The following SON variants were observed in gnomAD, a reference collection of about 807,000 sequenced individuals.
The protein encoded by SON is SON DNA and RNA binding protein, also known as protein SON.
SON carries 4 observed loss-of-function variants against 173.3 expected under a neutral mutation model. The observed-to-expected ratio is 0.02, with a 90% CI of 0.01 to 0.05. SON has a LOEUF of 0.05. SON is among the 10% of genes least tolerant of loss of function. SON has a pLI of 1.00. For synonymous variants in SON, 1,190 were observed against 1,105.9 expected (o/e 1.08, Z -1.51); for missense variants, 2,626 against 3,055.3 (o/e 0.86, Z 3.31).
chr21:33,560,546 T>C, intron 6 of SON: 1 of 988,964 alleles, frequency 1.0e-6, no homozygotes, highest in Non-Finnish European at 1.2e-6. Context: ...CTAAATATAG[T>C]GCACATGAAA....
chr21:33,543,539 C>T (rs1371589556), intron 1 of SON: 7 of 122,730 alleles, frequency 5.7e-5, no homozygotes, highest in African/African-American at 3.2e-4. Context: ...ATCCCCTCCC[C>T]CTCTCGCCTC....
intron 2 of SON, 64 bp downstream of exon 2, chr21:33,546,443 TTAA>T (rs2085619033): frequency 1.5e-6 from 2 of 1,331,438 alleles, no homozygotes; most frequent in Admixed American, 2.2e-5. Flanking sequence ...AATTTGAAGG[TTAA>T]TGTTAGTTTT....
rs1436802050 is a variant in SON, at chr21:33,550,929, G to A, written c.1698G>A (p.Val566=). 1.2e-6 allele frequency: 2 copies of A among 1,607,236 alleles called. No individual in the cohort carries two copies. Among genetic ancestry groups the A allele is most frequent in the Admixed American group, 3.3e-5 (2 of 59,774 alleles). The change falls in exon 3 of 12, where the codon GTG becomes GTA. Residue 566 remains valine (V), a synonymous_variant. Coordinates refer to ENST00000356577, the MANE Select transcript of SON (RefSeq NM_138927.4). The part of the protein sequence containing the change: ...TALELPGQPS[V]TGVPELPGLP... ...TGGAGTTGCCGGGGCAGCCTTCGGT[G>A]ACTGGGGTGCCAGAGTTGCCAGGGC...
chr21:33,559,186 C>T lies in SON; in HGVS notation c.6322-44C>T. 7.0e-7 allele frequency: 1 copy of T among 1,422,258 alleles called. No individual in the cohort carries two copies. Among genetic ancestry groups the T allele is most frequent in the Non-Finnish European group, 9.4e-7 (1 of 1,064,166 alleles). The allele number at this position is 1,422,258 out of a possible 1,614,324, so 88.1% of individuals were successfully genotyped here. ...TGATTCTAAGAAATTACATGTTCTA[C>T]ATAAAGCGTAAGATTTATCTTTTGT... is the stretch of plus-strand genomic sequence containing the variant. On this transcript the variant is annotated intron_variant, in intron 4 of 11. Transcript: ENST00000356577. This position sits in a 1 kb window ranked among gnomAD's most constrained non-coding sequence, Gnocchi z 4.1.
chr21:33,557,261 T>C lies in SON; in HGVS notation c.6266T>C (p.Ile2089Thr). 1 of 1,613,610 alleles carries C rather than the reference T, an allele frequency of 6.2e-7. No homozygotes were observed. Among genetic ancestry groups the C allele is most frequent in the African/African-American group, 1.3e-5 (1 of 74,838 alleles). Residue 2089 changes from isoleucine to threonine, a missense_variant, in exon 4 of 12, where the codon ATA becomes ACA. Ile to Thr is a moderately conservative substitution (Grantham distance 89, BLOSUM62 -1). Coordinates refer to ENST00000356577, the MANE Select transcript of SON (RefSeq NM_138927.4). Reference protein sequence around the residue: ...PNLKPAPPPTIEEKVAKKSGG... With the variant: ...PNLKPAPPPTTEEKVAKKSGG... ...CTAAAGCCTGCACCTCCACCTACTA[T>C]AGAAGAGAAAGTTGCTAAAAAGTCA...
rs745576385 is a variant in SON, at chr21:33,554,945, A to G, written c.5714A>G (p.Lys1905Arg). 3.1e-6 allele frequency: 5 copies of G among 1,613,984 alleles called. No homozygotes were observed. The highest frequency in any genetic ancestry group is 2.7e-5 in the African/African-American group (2 of 74,924). ...CACAGATCCAAGTCTAGGGAAAGAAAAAGAAAAAGATCAAGCTCCAGGGAT... is the reference window on the plus strand; with the variant it reads ...CACAGATCCAAGTCTAGGGAAAGAAGAAGAAAAAGATCAAGCTCCAGGGAT... ...PKHRSKSRER[K>R]RKRSSSRDNR... The change falls in exon 3 of 12, where the codon AAA becomes AGA. Residue 1905 changes from lysine to arginine, a missense_variant. Physicochemically the swap from Lys to Arg is conservative, Grantham distance 26 (BLOSUM62 2). This residue lies in a region of SON where 1,006 missense variants were observed against 895.6 expected (regional missense o/e 1.12). Coordinates refer to ENST00000356577, the MANE Select transcript of SON (RefSeq NM_138927.4).
chr21:33,550,415 A>G lies in SON; in HGVS notation c.1184A>G (p.Gln395Arg). The change falls in exon 3 of 12, where the codon CAG becomes CGG. Residue 395 changes from glutamine to arginine, a missense_variant. Transcript: ENST00000356577. ...CCTGCGACCTCCATGCCGGAGTTGC[A>G]GGGGCCCCCTGTGACTCCAGTGCTG... is the stretch of plus-strand genomic sequence containing the variant. ...GPPATSMPEL[Q>R]GPPVTPVLEL... 1 of 1,613,226 alleles carries G rather than the reference A, an allele frequency of 6.2e-7. No individual in the cohort carries two copies. Among genetic ancestry groups the G allele is most frequent in the Admixed American group, 1.7e-5 (1 of 59,966 alleles).
rs148070060 is a variant in SON at position 33,565,279 on chromosome 21, A to G, written c.6658-1878A>G. Among the ~76,000 whole-genome samples, 425 of 152,332 alleles carry G rather than the reference A, an allele frequency of 2.8e-3. 2 individuals are homozygous for G. Among genetic ancestry groups the G allele is most frequent in the African/African-American group, 9.7e-3 (402 of 41,574 alleles). On this transcript the variant is annotated intron_variant, in intron 6 of 11. Transcript: ENST00000356577. ...GAAATTAGGGATCAGGAGTTGGGAT[A>G]GTGGGTAGACACATTTTCCCCAGTA... is the stretch of plus-strand genomic sequence containing the variant.
intron 1 of SON, chr21:33,543,425 T>G: frequency 1.9e-6 from 1 of 520,390 alleles, no homozygotes; most frequent in East Asian, 3.5e-5. Context: ...ATGTTCACCC[T>G]TCTCCCCTGT....
chr21:33,554,360 C>T lies in SON; in HGVS notation c.5129C>T (p.Pro1710Leu). 3 of 1,614,160 alleles carry T rather than the reference C, an allele frequency of 1.9e-6. No individual in the cohort carries two copies. The highest frequency in any genetic ancestry group is 2.5e-6 in the Non-Finnish European group (3 of 1,180,016). ...ESSGGEKEVP[P>L]PPKETLPDSG... The stretch of plus-strand genomic sequence containing the variant: ...AGTGGAGGAGAAAAAGAAGTACCTC[C>T]CCCTCCTAAAGAGACACTGCCTGAT... Residue 1710 changes from proline (P) to leucine (L), a missense_variant, in exon 3 of 12, where the codon CCC becomes CTC. Pro to Leu is a moderately conservative substitution (Grantham distance 98). Coordinates refer to ENST00000356577, the MANE Select transcript of SON (RefSeq NM_138927.4).
At position 33,577,343 on chromosome 21, in the gene SON, A is replaced by C. The variant is rs1254707357; in HGVS notation, c.*919A>C. 6.6e-6 allele frequency: 1 copy of C among 152,602 alleles called. No homozygotes were observed. Among genetic ancestry groups the C allele is most frequent in the African/African-American group, 2.4e-5 (1 of 41,444 alleles). 9.5% of individuals were successfully genotyped at this position (152,602 alleles called of 1,614,324 possible). ...GCAACCAGCCACTATTTTGTTGACT[A>C]TGAGAAAGTTAAAAGTTTATGTTAA... On this transcript the variant is annotated 3_prime_UTR_variant, in exon 12 of 12. Transcript: ENST00000356577.
intron 1 of SON, among the ~76,000 whole-genome samples, chr21:33,545,990 TTTC>T (rs1367214321): frequency 6.6e-6 from 1 of 152,254 alleles, no homozygotes; most frequent in African/African-American, 2.4e-5. Flanking sequence ...AGAAACCTGT[TTTC>T]TTAATTTTCA....
chr21:33,570,875 C>T (rs922820537), intron 8 of SON, among the ~76,000 whole-genome samples: 1 of 152,084 alleles, frequency 6.6e-6, no homozygotes, highest in Non-Finnish European at 1.5e-5. Context: ...ATGTGCTGAT[C>T]CATAATGTTT....
chr21:33,543,427 C>T (rs1343609754), intron 1 of SON: 7 of 528,294 alleles, frequency 1.3e-5, no homozygotes, highest in South Asian at 2.1e-5. Flanking sequence ...GTTCACCCTT[C>T]TCCCCTGTTT....
At chr21:33,569,642 G>A (rs2086242169) in intron 8 of SON, 1 of 457,448 alleles carries the variant, frequency 2.2e-6, no homozygotes, top group Admixed American at 2.5e-5. Context: ...TGTAGCCCCA[G>A]GACCTTTTGG....
Position 33,550,570 on chromosome 21 carries a change from C to T in SON, c.1339C>T (p.Pro447Ser). The T allele has an allele frequency of 1.2e-6, 2 of 1,613,698 alleles. No individual in the cohort carries two copies. Among genetic ancestry groups the T allele is most frequent in the South Asian group, 1.1e-5 (1 of 91,066 alleles). ...GCCAGGGCCCTCTGTGACACCAGTG[C>T]CACAGTTGTCGCAGGAATTGCCAGG... is the stretch of plus-strand genomic sequence containing the variant. ...ELPGPSVTPV[P>S]QLSQELPGLP... Residue 447 changes from proline (P) to serine (S), a missense_variant, in exon 3 of 12, where the codon CCA (proline) becomes TCA (serine). Coordinates refer to ENST00000356577, the MANE Select transcript of SON (RefSeq NM_138927.4).
At chr21:33,564,158 A>C (rs2086120161) in intron 6 of SON, among the ~76,000 whole-genome samples, 1 of 152,136 alleles carries the variant, frequency 6.6e-6, no homozygotes, top group South Asian at 2.1e-4. Flanking sequence ...TTTTACCATC[A>C]TTTTGGTGCC....
Position 33,551,312 on chromosome 21 carries a change from C to T in SON, c.2081C>T (p.Thr694Ile). 1 of 1,614,124 alleles carries T rather than the reference C, an allele frequency of 6.2e-7. No homozygotes were observed. Among genetic ancestry groups the T allele is most frequent in the Non-Finnish European group, 8.5e-7 (1 of 1,179,992 alleles). The part of the protein sequence containing the change: ...YNTVAQELPT[T>I]LVGETSVTVG... ...ACGGTAGCACAGGAGCTGCCTACTACATTAGTGGGGGAGACTTCTGTAACA... is the reference window on the plus strand; with the variant it reads ...ACGGTAGCACAGGAGCTGCCTACTATATTAGTGGGGGAGACTTCTGTAACA... Residue 694 changes from threonine to isoleucine, a missense_variant, in exon 3 of 12, where the codon ACA becomes ATA. By Grantham distance (89) the Thr-to-Ile change is moderately conservative. Transcript: ENST00000356577.
At position 33,546,566 on chromosome 21, in the gene SON, G is replaced by A. The variant is rs2085621584; in HGVS notation, c.244+187G>A. 3 of 405,326 alleles carry A rather than the reference G, an allele frequency of 7.4e-6. No homozygotes were observed. In the Admixed American group the frequency reaches 1.4e-4, roughly 18 times the overall value. 25.1% of individuals were successfully genotyped at this position (405,326 alleles called of 1,614,324 possible). On this transcript the variant is annotated intron_variant, in intron 2 of 11. Coordinates refer to ENST00000356577, the MANE Select transcript of SON (RefSeq NM_138927.4). ...AGGCTGAGGTGGGTGGATCACCTGA[G>A]GTCAGGAGTTCCAGACCAACCTGGT...
Sources: gnomAD v4.1 joint callset for allele counts (sites outside exome capture counted in the v4.1 genomes callset) on GRCh38, gnomAD v4.1.1 for gene constraint, gnomAD v4.1.1 regional missense constraint, Gnocchi (gnomAD v3.1) non-coding constraint, MANE v1.5 for transcripts, NCBI Gene and HGNC (gene_info 2026-07-23, HGNC 2026-07-21) for gene names.